The following CSPG4 variants were observed in gnomAD, a reference collection of about 807,000 sequenced individuals.
CSPG4 encodes the protein chondroitin sulfate proteoglycan 4 (melanoma-associated).
In CSPG4, 74 loss-of-function variants were observed where a neutral mutation model predicts 139.3. That is an observed-to-expected ratio of 0.53 (90% CI 0.44 to 0.64). The LOEUF is 0.64. Ranked by LOEUF, CSPG4 falls within the 30% of genes least tolerant of loss-of-function variation. CSPG4 has a pLI of 0.00. For synonymous variants in CSPG4, 1,234 were observed against 1,394.2 expected, an observed-to-expected ratio of 0.89 and a Z score of 2.56; for missense variants, 2,565 against 3,148.3, an observed-to-expected ratio of 0.81 and a Z score of 4.43.
intron 4 of CSPG4, 147 bp from the exon 5 acceptor site, chr15:75,685,059 G>A: frequency 7.8e-7 from 1 of 1,280,212 alleles, no homozygotes; most frequent in Admixed American, 2.2e-5. Context: ...GAGGAGTTGT[G>A]AGGAAGAAAA....
chr15:75,684,792 T>A lies in CSPG4; in HGVS notation c.4393A>T (p.Thr1465Ser). The A allele has an allele frequency of 6.2e-7, 1 of 1,613,608 alleles. No individual in the cohort carries two copies. Among genetic ancestry groups the A allele is most frequent in the Non-Finnish European group, 8.5e-7 (1 of 1,179,864 alleles). Reference protein sequence around the residue: ...RQSHPVAFTVTVLPVNDQPPI... With the variant: ...RQSHPVAFTVSVLPVNDQPPI... ...GGTTGGTCATTGACAGGCAGGACAGTGACAGTGAAGGCCACAGGATGGCTC... is the reference window on the plus strand; with the variant it reads ...GGTTGGTCATTGACAGGCAGGACAGAGACAGTGAAGGCCACAGGATGGCTC... Residue 1465 changes from threonine (T) to serine (S), a missense_variant, in exon 5 of 10, where the codon ACT (threonine) becomes TCT (serine). Around this residue, in one of 5 missense-constraint regions of CSPG4, gnomAD observed 2,316 missense variants for 2,818.2 expected, o/e 0.82. Transcript: ENST00000308508.
At position 75,688,078 on chromosome 15, in the gene CSPG4, C is replaced by A. The variant is rs1894090820; in HGVS notation, c.2987G>T (p.Gly996Val). Residue 996 changes from glycine to valine, a missense_variant, in exon 3 of 10, where the codon GGT (glycine) becomes GTT (valine). Around this residue, in one of 5 missense-constraint regions of CSPG4, gnomAD observed 2,316 missense variants for 2,818.2 expected, o/e 0.82. Coordinates refer to ENST00000308508, the MANE Select transcript of CSPG4 (RefSeq NM_001897.5). ...FVATRQGESSGDMAWEEVRGV... is the reference protein window; with the variant it reads ...FVATRQGESSVDMAWEEVRGV... ...CCGTACCTCCTCCCAGGCCATGTCACCACTGCTCTCGCCCTGGCGGGTAGC... is the reference window on the plus strand; with the variant it reads ...CCGTACCTCCTCCCAGGCCATGTCAACACTGCTCTCGCCCTGGCGGGTAGC... 6.2e-7 allele frequency: 1 copy of A among 1,612,732 alleles called. No homozygotes were observed. The highest frequency in any genetic ancestry group is 1.1e-5 in the South Asian group (1 of 91,074).
rs1407378974 is a variant in CSPG4, at chr15:75,675,740, A to G, written c.6779T>C (p.Leu2260Pro). 1.2e-6 allele frequency: 2 copies of G among 1,604,452 alleles called. No homozygotes were observed. The highest frequency in any genetic ancestry group is 1.7e-6 in the Non-Finnish European group (2 of 1,173,554). The change falls in exon 10 of 10, where the codon CTG becomes CCG. Residue 2260 changes from leucine (L) to proline (P), a missense_variant. Transcript: ENST00000308508. ...CAGGCCGTTGCGGGGCTTGGCAGTC[A>G]GGACCTGGACGTCATGCTTGCCCGT... is the stretch of plus-strand genomic sequence containing the variant. ...NKTGKHDVQV[L>P]TAKPRNGLAG...
At position 75,682,932 on chromosome 15, in the gene CSPG4, C is replaced by T. The variant is rs760040347; in HGVS notation, c.4559G>A (p.Arg1520Gln). The change falls in exon 6 of 10, where the codon CGG becomes CAG. Residue 1520 changes from arginine (R) to glutamine (Q), a missense_variant. Physicochemically the swap from Arg to Gln is conservative, Grantham distance 43. Transcript: ENST00000308508. ...VYTIEQPSNG[R>Q]VVLRGAPGTE... ...GCCCGGCGCCCCCCGCAGCACTACC[C>T]GCCCGTTGCTGGGCTGCTCGATGGT... The T allele has an allele frequency of 5.0e-6, 8 of 1,611,228 alleles. No homozygotes were observed. The highest frequency in any genetic ancestry group is 2.7e-5 in the African/African-American group (2 of 74,870).
At chr15:75,677,624 C>T in intron 9 of CSPG4, 79 bp downstream of exon 9, 1 of 1,466,574 alleles carries the variant, frequency 6.8e-7, no homozygotes, top group Non-Finnish European at 9.2e-7. Flanking sequence ...GAGCTGCTGA[C>T]CCTGGCCTCG....
In CSPG4 at chr15:75,702,525, G is replaced by C. The variant is rs185231141; in HGVS notation, c.89-9292C>G. Among the ~76,000 whole-genome samples the C allele has an allele frequency of 2.2e-3, 335 of 152,338 alleles. 3 individuals carry two copies. Among genetic ancestry groups the C allele is most frequent in the African/African-American group, 7.7e-3 (319 of 41,586 alleles). On this transcript the variant is annotated intron_variant, in intron 1 of 9. Transcript: ENST00000308508. ...ACAGGACGTGGGAGGAAAGGAGGGAGGGGCCCACCAGGGCATGAGGGCCAT... is the reference window on the plus strand; with the variant it reads ...ACAGGACGTGGGAGGAAAGGAGGGACGGGCCCACCAGGGCATGAGGGCCAT...
upstream of CSPG4, among the ~76,000 whole-genome samples, chr15:75,713,001 G>A (rs536617622): frequency 6.6e-6 from 1 of 152,348 alleles, no homozygotes; most frequent in African/African-American, 2.4e-5. Context: ...TCTGGGGCAG[G>A]GGTGAGGGGG....
At position 75,690,692 on chromosome 15, in the gene CSPG4, C is replaced by T. The variant is rs769967353; in HGVS notation, c.373G>A (p.Val125Ile). The change falls in exon 3 of 10, where the codon GTC becomes ATC. Residue 125 changes from valine (V) to isoleucine (I), a missense_variant. Around this residue, in one of 5 missense-constraint regions of CSPG4, gnomAD observed 132 missense variants for 132.3 expected, o/e 1.00. Transcript: ENST00000308508. Reference protein sequence around the residue: ...TVVEGWATLSVDGFLNASSAV... With the variant: ...TVVEGWATLSIDGFLNASSAV... ...GAGGAGGCGTTCAGAAACCCATCGACTGACAACGTGGCCCAGCCCTCTACG... is the reference window on the plus strand; with the variant it reads ...GAGGAGGCGTTCAGAAACCCATCGATTGACAACGTGGCCCAGCCCTCTACG... 5.6e-6 allele frequency: 9 copies of T among 1,612,912 alleles called. No individual in the cohort carries two copies. The highest frequency in any genetic ancestry group is 7.6e-6 in the Non-Finnish European group (9 of 1,180,034).
At position 75,685,951 on chromosome 15, in the gene CSPG4, A is replaced by G. The variant is rs944358850; in HGVS notation, c.3790-250T>C. Among the ~76,000 whole-genome samples the G allele has an allele frequency of 2.6e-5, 4 of 152,252 alleles. No individual in the cohort carries two copies. The South Asian group carries it at 6.2e-4, about 24-fold the overall frequency. On this transcript the variant is annotated intron_variant, in intron 3 of 9. Coordinates refer to ENST00000308508, the MANE Select transcript of CSPG4 (RefSeq NM_001897.5). Reference sequence around the variant, plus strand: ...CACCCAGGCTGGAGTGCAGTGGTACAATCACAGTTCCTTGAAGCCTCAACT... The same window carrying G: ...CACCCAGGCTGGAGTGCAGTGGTACGATCACAGTTCCTTGAAGCCTCAACT...
At chr15:75,703,000 C>T (rs971636219) in intron 1 of CSPG4, among the ~76,000 whole-genome samples, 13 of 133,310 alleles carry the variant, frequency 9.8e-5, no homozygotes, top group South Asian at 2.8e-4. Context: ...GTGAGGGGAG[C>T]GGAACATTTC....
At chr15:75,692,248 T>C (rs1596010359) in intron 2 of CSPG4, among the ~76,000 whole-genome samples, 2 of 152,312 alleles carry the variant, frequency 1.3e-5, no homozygotes, top group Non-Finnish European at 2.9e-5. Flanking sequence ...CCTCCCAAAG[T>C]GCTGGGATTA....
At chr15:75,699,095 T>C (rs1326050487) in intron 1 of CSPG4, among the ~76,000 whole-genome samples, 2 of 152,220 alleles carry the variant, frequency 1.3e-5, no homozygotes, top group East Asian at 1.9e-4. Context: ...GCTCCTCTCC[T>C]GTCCCGTGAG....
rs531656412 is a variant in CSPG4 at position 75,690,695 on chromosome 15, A to T, written c.370T>A (p.Ser124Thr). 6.2e-7 allele frequency: 1 copy of T among 1,613,008 alleles called. No individual in the cohort carries two copies. The highest frequency in any genetic ancestry group is 1.1e-5 in the South Asian group (1 of 91,080). The change falls in exon 3 of 10, where the codon TCA (serine) becomes ACA (threonine). Residue 124 changes from serine (S) to threonine (T), a missense_variant. Transcript: ENST00000308508. Reference sequence around the variant, plus strand: ...GAGGCGTTCAGAAACCCATCGACTGACAACGTGGCCCAGCCCTCTACGACA... The same window carrying T: ...GAGGCGTTCAGAAACCCATCGACTGTCAACGTGGCCCAGCCCTCTACGACA... Reference protein sequence around the residue: ...LTVVEGWATLSVDGFLNASSA... With the variant: ...LTVVEGWATLTVDGFLNASSA...
At chr15:75,681,701 G>C (rs1376472225) in intron 8 of CSPG4, among the ~76,000 whole-genome samples, 4 of 152,240 alleles carry the variant, frequency 2.6e-5, no homozygotes. Flanking sequence ...TTATCACAGA[G>C]AGTCTGCTGC....
chr15:75,677,599 TG>T, intron 9 of CSPG4, 103 bp downstream of exon 9: 5 of 1,369,232 alleles, frequency 3.7e-6, no homozygotes, highest in Non-Finnish European at 5.0e-6. Context: ...TCCCAGGTCC[TG>T]GGGGCTGAGA....
At chr15:75,694,077 TGAG>T (rs970538977) in intron 1 of CSPG4, among the ~76,000 whole-genome samples, 2 of 152,094 alleles carry the variant, frequency 1.3e-5, no homozygotes, top group African/African-American at 4.8e-5. Context: ...GAACCAGGGA[TGAG>T]AACAGCTGAG....
chr15:75,698,382 G>C lies in CSPG4; in HGVS notation c.89-5149C>G, dbSNP rs1380724714. Among the ~76,000 whole-genome samples, 1 of 151,908 alleles carries C rather than the reference G, an allele frequency of 6.6e-6. No homozygotes were observed. The highest frequency in any genetic ancestry group is 1.5e-5 in the Non-Finnish European group (1 of 67,942). On this transcript the variant is annotated intron_variant, in intron 1 of 9. Coordinates refer to ENST00000308508, the MANE Select transcript of CSPG4 (RefSeq NM_001897.5). The surrounding 1 kb of genome is among the most constrained non-coding windows in gnomAD (Gnocchi z 4.3). ...ATGCCGGCTCTGTGAGAGCATGGAC[G>C]GGCCAGGTGTGCTTCCCCAGCAGCG...
In CSPG4 at chr15:75,688,772, C is replaced by T; in HGVS notation, c.2293G>A (p.Val765Met). Residue 765 changes from valine to methionine, a missense_variant, in exon 3 of 10, where the codon GTG becomes ATG. Val to Met is a conservative substitution (Grantham distance 21). Coordinates refer to ENST00000308508, the MANE Select transcript of CSPG4 (RefSeq NM_001897.5). ...TVENLALEVQ[V>M]GQEILSNLSF... ...AGATTGCTCAGGATCTCCTGGCCCA[C>T]CTGCACCTCCAGGGCCAGGTTCTCC... 1 of 1,612,840 alleles carries T rather than the reference C, an allele frequency of 6.2e-7. No individual in the cohort carries two copies. Among genetic ancestry groups the T allele is most frequent in the Non-Finnish European group, 8.5e-7 (1 of 1,179,858 alleles).
intron 1 of CSPG4, among the ~76,000 whole-genome samples, chr15:75,704,168 A>G (rs1460389248): frequency 6.8e-6 from 1 of 148,130 alleles, no homozygotes; most frequent in Non-Finnish European, 1.5e-5. Flanking sequence ...CTCTCTAGAT[A>G]GAGGCAGAGG....
Sources: gnomAD v4.1 joint callset for allele counts (sites outside exome capture counted in the v4.1 genomes callset) on GRCh38, gnomAD v4.1.1 for gene constraint, gnomAD v4.1.1 regional missense constraint, Gnocchi (gnomAD v3.1) non-coding constraint, MANE v1.5 for transcripts, NCBI Gene and HGNC (gene_info 2026-07-23, HGNC 2026-07-21) for gene names.